The following PARP15 variants were observed in gnomAD, a reference collection of about 807,000 sequenced individuals.
PARP15 encodes poly(ADP-ribose) polymerase family member 15.
PARP15 carries 50 observed loss-of-function variants against 62.1 expected under a neutral mutation model. The ratio of observed to expected loss-of-function variants is 0.81; its 90% confidence interval spans 0.64 to 1.02. PARP15 has a LOEUF of 1.02. Among genes scored for constraint, PARP15 ranks in the 50% least tolerant of loss-of-function variants. PARP15 has a pLI of 0.00. For synonymous variants in PARP15, 309 were observed against 293.1 expected (o/e 1.05, Z -0.55); for missense variants, 820 against 826.5 (o/e 0.99, Z 0.10).
intron 2 of PARP15, among the ~76,000 whole-genome samples, chr3:122,608,862 G>A (rs1457687034): frequency 6.6e-6 from 1 of 150,864 alleles, no homozygotes; most frequent in East Asian, 1.9e-4. Context: ...CAACCTCCTA[G>A]GCTCAAGCAA....
chr3:122,621,722 T>C (rs547300657), intron 8 of PARP15, 111 bp downstream of exon 8: 57 of 1,049,358 alleles, frequency 5.4e-5, no homozygotes, highest in Non-Finnish European at 5.6e-5. Flanking sequence ...GGAACAATGA[T>C]GTAAATCAGA....
At chr3:122,627,331 A>G (rs1470544247) in intron 9 of PARP15, among the ~76,000 whole-genome samples, 1 of 152,176 alleles carries the variant, frequency 6.6e-6, no homozygotes, top group Non-Finnish European at 1.5e-5. Context: ...GCCAATATTT[A>G]TTGATTGGTT....
chr3:122,602,901 C>G (rs74832085), intron 1 of PARP15, among the ~76,000 whole-genome samples: 2,411 of 152,278 alleles, frequency 0.016, 66 homozygotes, highest in African/African-American at 0.053. Flanking sequence ...CTTTCACTGA[C>G]CTGTTGACAG....
chr3:122,586,821 C>G (rs1048036695), intron 1 of PARP15, among the ~76,000 whole-genome samples: 11 of 151,964 alleles, frequency 7.2e-5, no homozygotes, highest in Non-Finnish European at 1.5e-4. Flanking sequence ...CCCAAAGCCC[C>G]TAGTTTATAT....
intron 1 of PARP15, among the ~76,000 whole-genome samples, chr3:122,580,774 T>G (rs998741249): frequency 4.6e-5 from 7 of 152,248 alleles, no homozygotes; most frequent in African/African-American, 1.7e-4. Flanking sequence ...TTTGGGTTGC[T>G]TCCACCTTTT....
At chr3:122,598,314 T>C (rs1268015495) in intron 1 of PARP15, among the ~76,000 whole-genome samples, 1 of 152,004 alleles carries the variant, frequency 6.6e-6, no homozygotes, top group Non-Finnish European at 1.5e-5. Flanking sequence ...ACACTTTCTG[T>C]GATCAGGAAT....
chr3:122,627,073 G>T, intron 9 of PARP15, 40 bp downstream of exon 9: 1 of 1,491,416 alleles, frequency 6.7e-7, no homozygotes, highest in South Asian at 1.2e-5. Context: ...TGCTGGCTCT[G>T]ATAATCACTT....
chr3:122,606,205 T>C (rs1172672141), intron 2 of PARP15, 150 bp downstream of exon 2: 1 of 975,580 alleles, frequency 1.0e-6, no homozygotes, highest in African/African-American at 1.7e-5. Flanking sequence ...CCACTTAAAG[T>C]TTATGCAGAT....
intron 8 of PARP15, among the ~76,000 whole-genome samples, chr3:122,625,237 GTTGTTC>G (rs1936631681): frequency 6.9e-6 from 1 of 145,552 alleles, no homozygotes; most frequent in African/African-American, 2.5e-5. Flanking sequence ...TGTTGTTGTT[GTTGTTC>G]TTTGTTTGTT....
At chr3:122,607,918 C>A (rs559366502) in intron 2 of PARP15, among the ~76,000 whole-genome samples, 1 of 152,212 alleles carries the variant, frequency 6.6e-6, no homozygotes, top group African/African-American at 2.4e-5. Context: ...CCTCCAATCA[C>A]GCCTCAGTAC....
chr3:122,619,111 G>A (rs187653678), intron 6 of PARP15, among the ~76,000 whole-genome samples: 2 of 152,274 alleles, frequency 1.3e-5, no homozygotes, highest in Admixed American at 1.3e-4. Flanking sequence ...TCTGTGCTAA[G>A]CATTTTTCAT....
At chr3:122,605,006 A>G (rs1459259983) in intron 1 of PARP15, among the ~76,000 whole-genome samples, 1 of 152,214 alleles carries the variant, frequency 6.6e-6, no homozygotes, top group Non-Finnish European at 1.5e-5. Context: ...ACTTCACTGC[A>G]GCCTAGGTGA....
intron 1 of PARP15, among the ~76,000 whole-genome samples, chr3:122,604,900 G>C (rs1044543050): frequency 6.6e-6 from 1 of 151,974 alleles, no homozygotes; most frequent in Non-Finnish European, 1.5e-5. Flanking sequence ...GCGGGGTGTG[G>C]TGGTGTGCAC....
chr3:122,636,198 C>T lies in PARP15; in HGVS notation c.*98C>T, dbSNP rs1024526313. ...GGCCTGTGTAAGCAGATGAAAGTTT[C>T]CCTTTTAGGTGCCAAAATGCTGAAA... is the stretch of plus-strand genomic sequence containing the variant. On this transcript the variant is annotated 3_prime_UTR_variant, in exon 12 of 12. Coordinates refer to ENST00000464300, the MANE Select transcript of PARP15 (RefSeq NM_001113523.3). The T allele has an allele frequency of 4.6e-5, 57 of 1,248,738 alleles. No homozygotes were observed. In the South Asian group the frequency reaches 7.6e-4, roughly 17 times the overall value. 77.4% of individuals were successfully genotyped at this position (1,248,738 alleles called of 1,614,324 possible).
In PARP15 at chr3:122,617,219, G is replaced by A. The variant is rs951346713; in HGVS notation, c.1000+55G>A. ...ATTAGTATGACTAATTTCTGGAAGG[G>A]AAATTGTGGCTAATATTTGCCCTGA... is the stretch of plus-strand genomic sequence containing the variant. On this transcript the variant is annotated intron_variant, in intron 6 of 11. Coordinates refer to ENST00000464300, the MANE Select transcript of PARP15 (RefSeq NM_001113523.3). The A allele has an allele frequency of 1.4e-5, 21 of 1,535,468 alleles. No homozygotes were observed. The African/African-American group carries it at 2.3e-4, about 17-fold the overall frequency.
At chr3:122,580,267 T>C (rs188882246) in intron 1 of PARP15, among the ~76,000 whole-genome samples, 157 of 152,048 alleles carry the variant, frequency 1.0e-3, no homozygotes, top group African/African-American at 3.6e-3. Context: ...TCTCCAACTA[T>C]AATTGTGGAT....
intron 1 of PARP15, among the ~76,000 whole-genome samples, chr3:122,592,659 G>A (rs1934018040): frequency 6.6e-6 from 1 of 151,034 alleles, no homozygotes; most frequent in Non-Finnish European, 1.5e-5. Context: ...AAGGAAGAGG[G>A]GAAAGTCAAG....
intron 1 of PARP15, among the ~76,000 whole-genome samples, chr3:122,583,007 A>C (rs1933086211): frequency 6.6e-6 from 1 of 151,336 alleles, no homozygotes; most frequent in Non-Finnish European, 1.5e-5. Context: ...CCTTTATAGT[A>C]AGTGTCTGCT....
chr3:122,597,725 C>G (rs7646228), intron 1 of PARP15, among the ~76,000 whole-genome samples: 131,251 of 152,062 alleles, frequency 0.86, 57,004 homozygotes, highest in East Asian at 0.92. Flanking sequence ...CTAGTCTATA[C>G]ATATAGATTT....
Sources: allele counts gnomAD v4.1 joint callset (sites outside exome capture counted in the v4.1 genomes callset), GRCh38; gene constraint gnomAD v4.1.1; transcripts MANE v1.5; gene names NCBI Gene and HGNC (gene_info 2026-07-23, HGNC 2026-07-21).